The following KCNIP4 variants were observed in gnomAD, a reference collection of about 807,000 sequenced individuals.
KCNIP4 encodes potassium voltage-gated channel interacting protein 4.
In KCNIP4, 12 loss-of-function variants were observed where a neutral mutation model predicts 34.0. That is an observed-to-expected ratio of 0.35 (90% CI 0.23 to 0.57). KCNIP4 has a LOEUF of 0.57. KCNIP4 is among the 20% of genes least tolerant of loss of function. The pLI is 0.83. For missense variants in KCNIP4, 238 were observed against 311.7 expected (o/e 0.76, Z 1.78); for synonymous variants, 124 against 102.2 (o/e 1.21, Z -1.29).
intron 1 of KCNIP4, among the ~76,000 whole-genome samples, chr4:21,407,805 C>T (rs537925594): frequency 5.3e-5 from 8 of 152,082 alleles, no homozygotes; most frequent in African/African-American, 1.2e-4. Flanking sequence ...GTAGACAAGC[C>T]GTCCCTCTTT....
intron 2 of KCNIP4, among the ~76,000 whole-genome samples, chr4:20,872,796 G>A (rs1045868332): frequency 1.3e-5 from 2 of 151,832 alleles, no homozygotes; most frequent in African/African-American, 4.8e-5. Flanking sequence ...AAAATCAAGT[G>A]GGAAGCAAAA....
intron 1 of KCNIP4, among the ~76,000 whole-genome samples, chr4:21,356,711 G>GAATCAATATCGTGAA (rs1718643529): frequency 6.6e-6 from 1 of 152,068 alleles, no homozygotes; most frequent in African/African-American, 2.4e-5. Context: ...TGGATAGGAA[G>GAATCAATATCGTGAA]AATCAATATC....
At chr4:21,008,609 C>A (rs185208264) in intron 1 of KCNIP4, among the ~76,000 whole-genome samples, 1 of 151,756 alleles carries the variant, frequency 6.6e-6, no homozygotes, top group Non-Finnish European at 1.5e-5. Flanking sequence ...CTGCAAGCTC[C>A]GCCTCCCGGG....
At position 21,293,748 on chromosome 4, in the gene KCNIP4, G is replaced by A. The variant is rs1448792401; in HGVS notation, c.62-411039C>T. On this transcript the variant is annotated intron_variant, in intron 1 of 8. Coordinates refer to ENST00000382152, the MANE Select transcript of KCNIP4 (RefSeq NM_025221.6). ...AAACACATATGATTTGGGGAAGTGG[G>A]GTCTATGAGAAAAGAATTAAAAAAT... 2.6e-5 allele frequency among the ~76,000 whole-genome samples: 4 copies of A among 152,218 alleles called. No homozygotes were observed. In the East Asian group the frequency reaches 7.7e-4, roughly 29 times the overall value.
At chr4:21,054,542 C>G (rs987760654) in intron 1 of KCNIP4, among the ~76,000 whole-genome samples, 1 of 148,762 alleles carries the variant, frequency 6.7e-6, no homozygotes, top group Non-Finnish European at 1.5e-5. Flanking sequence ...AAAGAATAGA[C>G]AAAGAGGTGA....
rs575074233 is a variant in KCNIP4 at position 21,299,272 on chromosome 4, T to C, written c.62-416563A>G. ...AAAAATTAGGATTATGTCAGTCAAA[T>C]AATAGTCTAAAATCACATGACTAAT... On this transcript the variant is annotated intron_variant, in intron 1 of 8. Transcript: ENST00000382152. Among the ~76,000 whole-genome samples the C allele has an allele frequency of 3.9e-5, 6 of 152,148 alleles. No individual in the cohort carries two copies. In the East Asian group the frequency reaches 1.2e-3, roughly 29 times the overall value.
At chr4:20,888,054 T>C (rs553468249) in intron 1 of KCNIP4, among the ~76,000 whole-genome samples, 44 of 151,784 alleles carry the variant, frequency 2.9e-4, no homozygotes, top group African/African-American at 9.9e-4. Flanking sequence ...CATACTGAAA[T>C]CTCTAGATAC....
chr4:21,457,580 G>A (rs1336670849), intron 1 of KCNIP4, among the ~76,000 whole-genome samples: 1 of 151,980 alleles, frequency 6.6e-6, no homozygotes, highest in Non-Finnish European at 1.5e-5. Flanking sequence ...GAAAAGAGTA[G>A]AGGTGTAAGC....
intron 1 of KCNIP4, among the ~76,000 whole-genome samples, chr4:21,088,948 A>G (rs1408231493): frequency 3.3e-5 from 5 of 152,226 alleles, no homozygotes. Context: ...CCTAGAAGCA[A>G]AAAACTTTTG....
chr4:21,177,877 T>TATATATATATATATA (rs1338439962), intron 1 of KCNIP4, among the ~76,000 whole-genome samples: 56 of 146,376 alleles, frequency 3.8e-4, no homozygotes, highest in African/African-American at 1.4e-3. Context: ...TATATATATA[T>TATATATATATATATA]AAAATATAAC....
chr4:21,473,733 A>T (rs574019358), intron 1 of KCNIP4, among the ~76,000 whole-genome samples: 361 of 149,532 alleles, frequency 2.4e-3, no homozygotes, highest in African/African-American at 8.3e-3. Context: ...TTTTTTTTTA[A>T]GACAGAGTCT....
At chr4:21,530,441 C>A (rs921103864) in intron 1 of KCNIP4, among the ~76,000 whole-genome samples, 1 of 151,968 alleles carries the variant, frequency 6.6e-6, no homozygotes, top group Non-Finnish European at 1.5e-5. Flanking sequence ...GCTTTTCTTT[C>A]TATTTTATAA....
At chr4:21,786,083 G>A (rs1719890900) in intron 1 of KCNIP4, among the ~76,000 whole-genome samples, 1 of 152,144 alleles carries the variant, frequency 6.6e-6, no homozygotes, top group African/African-American at 2.4e-5. Context: ...CGTGTAGCTG[G>A]GACTACAGGC....
At chr4:21,557,027 T>TA (rs1484370555) in intron 1 of KCNIP4, among the ~76,000 whole-genome samples, 1 of 151,110 alleles carries the variant, frequency 6.6e-6, no homozygotes, top group Non-Finnish European at 1.5e-5. Context: ...AAACTAAACA[T>TA]ATTACTTTAC....
At chr4:21,009,707 T>C (rs1383640628) in intron 1 of KCNIP4, among the ~76,000 whole-genome samples, 2 of 152,244 alleles carry the variant, frequency 1.3e-5, no homozygotes, top group Non-Finnish European at 1.5e-5. Context: ...TCCAAGTTCC[T>C]AGGGCATTTT....
chr4:21,885,261 T>C (rs1726698852), intron 1 of KCNIP4, among the ~76,000 whole-genome samples: 1 of 152,152 alleles, frequency 6.6e-6, no homozygotes, highest in South Asian at 2.1e-4. Context: ...TTTCATTCAA[T>C]GTTCATTTAT....
chr4:20,735,487 G>A (rs1749360311), intron 5 of KCNIP4, among the ~76,000 whole-genome samples: 1 of 151,540 alleles, frequency 6.6e-6, no homozygotes, highest in Non-Finnish European at 1.5e-5. Context: ...ATTGCAGACT[G>A]GCCAGATTAA....
rs1025200427 is a variant in KCNIP4, at chr4:21,326,000, G to A, written c.62-443291C>T. Among the ~76,000 whole-genome samples the A allele has an allele frequency of 4.0e-5, 6 of 151,720 alleles. No individual in the cohort carries two copies. The South Asian group carries it at 6.2e-4, about 16-fold the overall frequency. The stretch of plus-strand genomic sequence containing the variant: ...TCAATTGTTTTGAATTTTTACAGAC[G>A]TGTTTGTGGCCTAACATATTGTCTA... On this transcript the variant is annotated intron_variant, in intron 1 of 8. Coordinates refer to ENST00000382152, the MANE Select transcript of KCNIP4 (RefSeq NM_025221.6).
chr4:21,056,258 T>TTCTGTA (rs1743389864), intron 1 of KCNIP4, among the ~76,000 whole-genome samples: 2 of 152,170 alleles, frequency 1.3e-5, no homozygotes, highest in African/African-American at 4.8e-5. Flanking sequence ...ATTTGAACTA[T>TTCTGTA]TCTGTATCTA....
Sources: allele counts gnomAD v4.1 joint callset (sites outside exome capture counted in the v4.1 genomes callset), GRCh38; gene constraint gnomAD v4.1.1; transcripts MANE v1.5; gene names NCBI Gene and HGNC (gene_info 2026-07-23, HGNC 2026-07-21).